The following DPP6 variants were observed in gnomAD, a reference collection of about 807,000 sequenced individuals.
The protein encoded by DPP6 is dipeptidyl peptidase like 6.
DPP6 carries 69 observed loss-of-function variants against 122.6 expected under a neutral mutation model. The observed-to-expected ratio is 0.56, with a 90% CI of 0.46 to 0.69. The LOEUF is 0.69. DPP6 is among the 30% of genes least tolerant of loss of function. DPP6 has a pLI of 0.00. For synonymous variants in DPP6, 418 were observed against 433.1 expected, an observed-to-expected ratio of 0.97 and a Z score of 0.43; for missense variants, 928 against 1,116.9, an observed-to-expected ratio of 0.83 and a Z score of 2.41.
At chr7:154,364,861 A>G (rs1056164957) in intron 1 of DPP6, among the ~76,000 whole-genome samples, 3 of 152,238 alleles carry the variant, frequency 2.0e-5, no homozygotes, top group Non-Finnish European at 4.4e-5. Flanking sequence ...CTTCAGCTAC[A>G]TGGGAAAATT....
chr7:153,923,090 G>A (rs2129009388), intron 1 of DPP6, among the ~76,000 whole-genome samples: 1 of 152,322 alleles, frequency 6.6e-6, no homozygotes, highest in African/African-American at 2.4e-5. Flanking sequence ...AAGCAAGGAT[G>A]GAATGGTGAA....
chr7:153,942,837 A>T (rs1801760782), intron 1 of DPP6, among the ~76,000 whole-genome samples: 1 of 152,048 alleles, frequency 6.6e-6, no homozygotes, highest in Non-Finnish European at 1.5e-5. Flanking sequence ...CAGCACTTTT[A>T]CCTGTCGCCT....
In DPP6 at chr7:154,722,436, C is replaced by T. The variant is rs556078403; in HGVS notation, c.763-5331C>T. 4.6e-5 allele frequency among the ~76,000 whole-genome samples: 7 copies of T among 152,322 alleles called. No homozygotes were observed. In the South Asian group the frequency reaches 1.2e-3, roughly 27 times the overall value. On this transcript the variant is annotated intron_variant, in intron 7 of 25. Coordinates refer to ENST00000377770, the MANE Select transcript of DPP6 (RefSeq NM_130797.4). ...CATCCCTAACCCTGAATCATGGGAC[C>T]TCAATGACTTCTGCAGGACTGAAAG... is the stretch of plus-strand genomic sequence containing the variant.
intron 8 of DPP6, among the ~76,000 whole-genome samples, chr7:154,734,704 T>A (rs563452314): frequency 1.3e-5 from 2 of 152,340 alleles, no homozygotes; most frequent in African/African-American, 4.8e-5. Flanking sequence ...AAAGCTCCTT[T>A]GTGGAAGAGC....
chr7:154,431,253 A>C (rs1391871842), intron 1 of DPP6, among the ~76,000 whole-genome samples: 1 of 152,034 alleles, frequency 6.6e-6, no homozygotes, highest in Non-Finnish European at 1.5e-5. Context: ...ATCATCACTG[A>C]GCAGCACCAG....
At chr7:154,546,229 A>G (rs1829177406) in intron 4 of DPP6, among the ~76,000 whole-genome samples, 1 of 152,224 alleles carries the variant, frequency 6.6e-6, no homozygotes, top group South Asian at 2.1e-4. Flanking sequence ...TAACAACTAT[A>G]TATATTGAAA....
chr7:153,758,447 G>T, the DPP6 span, among the ~76,000 whole-genome samples: 1,130 of 151,618 alleles, frequency 7.5e-3, 6 homozygotes, highest in African/African-American at 0.026. Context: ...AAAACGCCAC[G>T]GTCAAGGCAA....
chr7:154,857,864 A>T (rs1802972261), intron 17 of DPP6, among the ~76,000 whole-genome samples: 1 of 152,204 alleles, frequency 6.6e-6, no homozygotes, highest in Non-Finnish European at 1.5e-5. Context: ...TAAGCTTGAG[A>T]TCAGTTGTCC....
chr7:154,054,654 C>A (rs1294784264), intron 1 of DPP6, among the ~76,000 whole-genome samples: 1 of 151,762 alleles, frequency 6.6e-6, no homozygotes, highest in African/African-American at 2.4e-5. Flanking sequence ...TCATCTGGTT[C>A]AAGTCTTTGG....
chr7:154,492,192 C>T (rs989133102), intron 3 of DPP6, among the ~76,000 whole-genome samples: 18 of 152,142 alleles, frequency 1.2e-4, no homozygotes, highest in Admixed American at 4.6e-4. Context: ...AAAGCCATCG[C>T]TTTATTTTTA....
intron 7 of DPP6, among the ~76,000 whole-genome samples, chr7:154,711,474 A>G (rs576510999): frequency 2.0e-5 from 3 of 152,374 alleles, no homozygotes; most frequent in East Asian, 1.9e-4. Flanking sequence ...TGATGTAAAT[A>G]TGAATGTAAC....
At chr7:154,441,712 C>T (rs538052889) in intron 1 of DPP6, among the ~76,000 whole-genome samples, 5 of 152,078 alleles carry the variant, frequency 3.3e-5, no homozygotes, top group Admixed American at 6.5e-5. Context: ...AAAATTAAAG[C>T]GGCCTGCATT....
intron 1 of DPP6, among the ~76,000 whole-genome samples, chr7:154,262,743 T>C (rs1803117229): frequency 6.6e-6 from 1 of 152,104 alleles, no homozygotes. Flanking sequence ...GGGATAAAAG[T>C]GATATTTGTA....
At chr7:154,889,040 G>C (rs1296040831) in intron 23 of DPP6, among the ~76,000 whole-genome samples, 1 of 152,212 alleles carries the variant, frequency 6.6e-6, no homozygotes, top group Non-Finnish European at 1.5e-5. Context: ...CAACTCGTGG[G>C]AATTATGGGA....
intron 1 of DPP6, among the ~76,000 whole-genome samples, chr7:154,170,094 C>A (rs2150726694): frequency 6.6e-6 from 1 of 152,268 alleles, no homozygotes; most frequent in Middle Eastern, 3.4e-3. Context: ...TGCCCAGGCC[C>A]TGAATTCTGG....
rs59287881 is a variant in DPP6 at position 153,905,574 on chromosome 7, T to C, written c.51+17840T>C. On this transcript the variant is annotated intron_variant, in intron 1 of 25. Coordinates refer to the DPP6 transcript ENST00000404039. ...AATCCAAGGCAGAATAAAAAAGTCA[T>C]AATTAAAAATATTTCTTAAAGGGGA... Among the ~76,000 whole-genome samples the C allele has an allele frequency of 4.6e-4, 70 of 152,268 alleles. 1 individual carries two copies. The East Asian group carries it at 7.9e-3, about 17-fold the overall frequency.
At chr7:154,124,359 A>G (rs1398843559) in intron 1 of DPP6, among the ~76,000 whole-genome samples, 1 of 152,038 alleles carries the variant, frequency 6.6e-6, no homozygotes, top group Non-Finnish European at 1.5e-5. Context: ...GGAGGGTGAG[A>G]GCATGAGAGG....
At chr7:154,860,229 C>G (rs902382587) in intron 17 of DPP6, among the ~76,000 whole-genome samples, 5 of 152,168 alleles carry the variant, frequency 3.3e-5, no homozygotes, top group Admixed American at 3.3e-4. Context: ...CCTAGACTGT[C>G]AAGGCTGTGC....
intron 1 of DPP6, among the ~76,000 whole-genome samples, chr7:154,396,226 T>C (rs1186649436): frequency 6.6e-6 from 1 of 152,160 alleles, no homozygotes; most frequent in African/African-American, 2.4e-5. Flanking sequence ...AAATACCTCC[T>C]AGGTAGGTAC....
Sources: allele counts gnomAD v4.1 joint callset (sites outside exome capture counted in the v4.1 genomes callset), GRCh38; gene constraint gnomAD v4.1.1; transcripts MANE v1.5; gene names NCBI Gene and HGNC (gene_info 2026-07-23, HGNC 2026-07-21).